PEBP1: variants seen among roughly 807,000 people sequenced by gnomAD.
PEBP1 encodes phosphatidylethanolamine-binding protein 1.
A neutral mutation model predicts 22.7 loss-of-function variants in PEBP1; 17 were observed. That is an observed-to-expected ratio of 0.75 (90% CI 0.51 to 1.12). The LOEUF (loss-of-function observed/expected upper bound fraction) is 1.12. PEBP1 is among the 50% of genes most tolerant of loss of function. The pLI, the probability that PEBP1 is intolerant of heterozygous loss-of-function variation, is 0.00. For synonymous variants in PEBP1, 106 were observed against 104.3 expected (o/e 1.02, Z -0.10); for missense variants, 205 against 243.5 (o/e 0.84, Z 1.05).
chr12:118,136,534 C>G lies in PEBP1; in HGVS notation c.135+190C>G, dbSNP rs763499629. ...GGGGGCCACCCCGAGCACCGGGAACCCGGCCTGTGGCGTGGCCAGGCAGGT... is the reference window on the plus strand; with the variant it reads ...GGGGGCCACCCCGAGCACCGGGAACGCGGCCTGTGGCGTGGCCAGGCAGGT... On this transcript the variant is annotated intron_variant, in intron 1 of 3. Transcript: ENST00000261313. This position sits in a 1 kb window ranked among gnomAD's most constrained non-coding sequence, Gnocchi z 5.6. Among the ~76,000 whole-genome samples the G allele has an allele frequency of 6.6e-6, 1 of 152,230 alleles. No individual in the cohort carries two copies. Among genetic ancestry groups the G allele is most frequent in the Non-Finnish European group, 1.5e-5 (1 of 68,034 alleles).
intron 3 of PEBP1, among the ~76,000 whole-genome samples, chr12:118,143,173 A>G (rs1340856530): frequency 6.6e-6 from 1 of 152,120 alleles, no homozygotes; most frequent in East Asian, 1.9e-4. Flanking sequence ...ATTGTTGTGA[A>G]ACAGATCTCT....
At chr12:118,137,016 T>C (rs1395038953) in intron 1 of PEBP1, among the ~76,000 whole-genome samples, 2 of 152,182 alleles carry the variant, frequency 1.3e-5, no homozygotes, top group East Asian at 1.9e-4. Context: ...CGACCTTACA[T>C]TGTTTTGGAT....
chr12:118,140,109 T>C (rs1268861123), intron 3 of PEBP1, among the ~76,000 whole-genome samples: 5 of 152,180 alleles, frequency 3.3e-5, no homozygotes, highest in Non-Finnish European at 7.3e-5. Context: ...AGCTATTATA[T>C]ATAAAATACA....
At position 118,144,623 on chromosome 12, in the gene PEBP1, C is replaced by G; in HGVS notation, c.384C>G (p.Asp128Glu). ...HRYVWLVYEQ[D>E]RPLKCDEPIL... ...ATGTCTGGCTGGTTTACGAGCAGGA[C>G]AGGCCGCTAAAGTGTGACGAGCCCA... Residue 128 changes from aspartate to glutamate, a missense_variant, in exon 4 of 4, where the codon GAC becomes GAG. Transcript: ENST00000261313. The G allele has an allele frequency of 6.2e-7, 1 of 1,613,982 alleles. No homozygotes were observed.
chr12:118,137,761 G>T (rs11068844), intron 1 of PEBP1, among the ~76,000 whole-genome samples: 3 of 151,748 alleles, frequency 2.0e-5, no homozygotes, highest in African/African-American at 7.3e-5. Context: ...GATCTTGGCC[G>T]CCTGCAGCCT....
At chr12:118,140,133 A>G (rs766113711) in intron 3 of PEBP1, among the ~76,000 whole-genome samples, 9 of 152,174 alleles carry the variant, frequency 5.9e-5, no homozygotes, top group Non-Finnish European at 1.3e-4. Flanking sequence ...AGATATTTAG[A>G]GATAGAAAGA....
intron 3 of PEBP1, 112 bp from the exon 4 acceptor site, chr12:118,144,474 G>A (rs543802011): frequency 1.0e-6 from 1 of 998,960 alleles, no homozygotes; most frequent in Non-Finnish European, 1.5e-6. Context: ...TGTCCTCCTT[G>A]TAAATGGTGT....
Position 118,136,361 on chromosome 12 carries a change from G to T in PEBP1, c.135+17G>T. 4 of 1,535,652 alleles carry T rather than the reference G, an allele frequency of 2.6e-6. No homozygotes were observed. The highest frequency in any genetic ancestry group is 3.5e-6 in the Non-Finnish European group (4 of 1,144,554). On this transcript the variant is annotated intron_variant, in intron 1 of 3. Transcript: ENST00000261313. The surrounding 1 kb of genome is among the most constrained non-coding windows in gnomAD (Gnocchi z 5.6). ...CCCACCCAGGTACACCGGGCGGCGGGCGTGCAGCGAGCGGCACGGCGCGGA... is the reference window on the plus strand; with the variant it reads ...CCCACCCAGGTACACCGGGCGGCGGTCGTGCAGCGAGCGGCACGGCGCGGA...
In PEBP1 at chr12:118,136,395, C is replaced by A. The variant is rs1315878616; in HGVS notation, c.135+51C>A. ...GAGCGGCACGGCGCGGAGGCCTGTG[C>A]CGGCCTCCTGGGTGGGACCCAGCGG... is the stretch of plus-strand genomic sequence containing the variant. On this transcript the variant is annotated intron_variant, in intron 1 of 3. Coordinates refer to ENST00000261313, the MANE Select transcript of PEBP1 (RefSeq NM_002567.4). This position sits in a 1 kb window ranked among gnomAD's most constrained non-coding sequence, Gnocchi z 5.6. The A allele has an allele frequency of 2.0e-6, 3 of 1,508,136 alleles. No individual in the cohort carries two copies. Among genetic ancestry groups the A allele is most frequent in the Non-Finnish European group, 2.6e-6 (3 of 1,134,320 alleles). The allele number at this position is 1,508,136 out of a possible 1,614,324, so 93.4% of individuals were successfully genotyped here.
Position 118,138,050 on chromosome 12 carries a change from A to G in PEBP1, c.147A>G (p.Arg49=). ...KVLTPTQVKN[R]PTSISWDGLD... ...GTTCCTTCATACAGGTTAAGAATAG[A>G]CCCACCAGCATTTCGTGGGATGGTC... Residue 49 remains arginine, a synonymous_variant, in exon 2 of 4, where the codon AGA becomes AGG. Transcript: ENST00000261313. 6.2e-7 allele frequency: 1 copy of G among 1,612,256 alleles called. No individual in the cohort carries two copies. The highest frequency in any genetic ancestry group is 8.5e-7 in the Non-Finnish European group (1 of 1,178,712).
intron 3 of PEBP1, among the ~76,000 whole-genome samples, chr12:118,141,420 C>T (rs1454743514): frequency 2.6e-5 from 4 of 152,148 alleles, no homozygotes; most frequent in Non-Finnish European, 5.9e-5. Context: ...CAGCCACTTT[C>T]GCTATTCTTG....
At chr12:118,138,243 G>A (rs1165669249) in intron 2 of PEBP1, 95 bp downstream of exon 2, 10 of 837,674 alleles carry the variant, frequency 1.2e-5, no homozygotes, top group Non-Finnish European at 2.0e-5. Context: ...ACCTGGTTTG[G>A]GATGCCCCCA....
At chr12:118,143,905 C>A (rs368998163) in intron 3 of PEBP1, among the ~76,000 whole-genome samples, 1,184 of 111,398 alleles carry the variant, frequency 0.011, no homozygotes, top group Admixed American at 0.012. Flanking sequence ...GACTCCGTCT[C>A]AAAAAAAAAA....
chr12:118,139,368 T>G, intron 2 of PEBP1, 83 bp from the exon 3 acceptor site: 12 of 866,596 alleles, frequency 1.4e-5, no homozygotes, highest in Admixed American at 1.7e-5. Flanking sequence ...GCAGCCAGCA[T>G]GTTCTTGATG....
In PEBP1 at chr12:118,137,356, T is replaced by C. The variant is rs557248153; in HGVS notation, c.136-683T>C. On this transcript the variant is annotated intron_variant, in intron 1 of 3. Transcript: ENST00000261313. The stretch of plus-strand genomic sequence containing the variant: ...TGGTGTTGTTGGGACTGAAATAATA[T>C]ACAGCCTGGGCAACATAGCAAGACC... 2.6e-5 allele frequency among the ~76,000 whole-genome samples: 4 copies of C among 152,106 alleles called. No individual in the cohort carries two copies. In the South Asian group the frequency reaches 6.2e-4, roughly 24 times the overall value.
In PEBP1 at chr12:118,144,896, C is replaced by T. The variant is rs566181142; in HGVS notation, c.*93C>T. 3.1e-6 allele frequency: 5 copies of T among 1,587,550 alleles called. No homozygotes were observed. The highest frequency in any genetic ancestry group is 4.5e-5 in the East Asian group (2 of 44,502). On this transcript the variant is annotated 3_prime_UTR_variant, in exon 4 of 4. Transcript: ENST00000261313. Reference sequence around the variant, plus strand: ...GTATAATAGATTTCTCCTCTTCCTGCCCCCCTTGGCATGGGTGAGACCTGA... The same window carrying T: ...GTATAATAGATTTCTCCTCTTCCTGTCCCCCTTGGCATGGGTGAGACCTGA...
intron 2 of PEBP1, chr12:118,138,994 A>G (rs2034090932): frequency 1.2e-5 from 2 of 163,686 alleles, no homozygotes. Context: ...TTCTGCAAAC[A>G]CATGAGGTTC....
Position 118,139,546 on chromosome 12 carries a change from G to T in PEBP1, c.341G>T (p.Gly114Val). 6.2e-7 allele frequency: 1 copy of T among 1,607,518 alleles called. No homozygotes were observed. Among genetic ancestry groups the T allele is most frequent in the Non-Finnish European group, 8.5e-7 (1 of 1,174,728 alleles). ...SDYVGSGPPK[G>V]TGLHRYVWLV... Reference sequence around the variant, plus strand: ...TATGTGGGCTCGGGGCCTCCCAAGGGCACAGGTTAGTAAAGGTTGTTTTTG... The same window carrying T: ...TATGTGGGCTCGGGGCCTCCCAAGGTCACAGGTTAGTAAAGGTTGTTTTTG... The change falls in exon 3 of 4, where the codon GGC becomes GTC. Residue 114 changes from glycine to valine, a missense_variant. Gly to Val is a moderately radical substitution (Grantham distance 109, BLOSUM62 -3). Coordinates refer to ENST00000261313, the MANE Select transcript of PEBP1 (RefSeq NM_002567.4).
At chr12:118,137,545 A>T (rs943454855) in intron 1 of PEBP1, among the ~76,000 whole-genome samples, 12 of 152,110 alleles carry the variant, frequency 7.9e-5, no homozygotes, top group African/African-American at 2.7e-4. Context: ...ACAGAAGGAG[A>T]CCTGGTCTCA....
Sources: allele counts gnomAD v4.1 joint callset (sites outside exome capture counted in the v4.1 genomes callset), GRCh38; gene constraint gnomAD v4.1.1; non-coding constraint Gnocchi (gnomAD v3.1); transcripts MANE v1.5; gene names NCBI Gene and HGNC (gene_info 2026-07-23, HGNC 2026-07-21).